The following CADPS2 variants were observed in gnomAD, a reference collection of about 807,000 sequenced individuals.
CADPS2 encodes calcium dependent secretion activator 2, also known as calcium-dependent secretion activator 2.
CADPS2 carries 93 observed loss-of-function variants against 172.5 expected under a neutral mutation model. The ratio of observed to expected loss-of-function variants is 0.54; its 90% confidence interval spans 0.46 to 0.64. The LOEUF is 0.64. CADPS2 is among the 30% of genes least tolerant of loss of function. CADPS2 has a pLI of 0.00. For missense variants in CADPS2, 1,420 were observed against 1,565.9 expected (o/e 0.91, Z 1.57); for synonymous variants, 546 against 555.2 (o/e 0.98, Z 0.23).
chr7:122,628,819 A>G (rs2076311908), intron 4 of CADPS2, among the ~76,000 whole-genome samples: 1 of 149,866 alleles, frequency 6.7e-6, no homozygotes, highest in Non-Finnish European at 1.5e-5. Flanking sequence ...TCATGCATTT[A>G]GTCATTCAAT....
At chr7:122,361,190 T>A (rs798687) in intron 25 of CADPS2, among the ~76,000 whole-genome samples, 177 bp from the exon 26 acceptor site, 5 of 149,308 alleles carry the variant, frequency 3.3e-5, no homozygotes, top group African/African-American at 1.2e-4. Context: ...TGAACTCTAC[T>A]GTCCTTTTCT....
At chr7:122,583,602 T>G (rs532535638) in intron 6 of CADPS2, among the ~76,000 whole-genome samples, 2 of 151,136 alleles carry the variant, frequency 1.3e-5, no homozygotes, top group East Asian at 3.9e-4. Context: ...ATATATGTAA[T>G]ATATGCATAT....
intron 2 of CADPS2, among the ~76,000 whole-genome samples, chr7:122,733,105 T>C (rs566938372): frequency 1.1e-4 from 17 of 151,548 alleles, no homozygotes; most frequent in African/African-American, 3.1e-4. Flanking sequence ...CAAAAGATCA[T>C]AGAATCACAG....
chr7:122,620,497 T>A (rs1202800874), intron 5 of CADPS2, among the ~76,000 whole-genome samples: 1 of 152,154 alleles, frequency 6.6e-6, no homozygotes, highest in Non-Finnish European at 1.5e-5. Context: ...CATACACACA[T>A]CATCAATGAA....
At chr7:122,801,558 G>T (rs868747609) in intron 1 of CADPS2, among the ~76,000 whole-genome samples, 2 of 152,076 alleles carry the variant, frequency 1.3e-5, no homozygotes, top group African/African-American at 2.4e-5. Flanking sequence ...TATTACACAT[G>T]TTCCCATTAG....
chr7:122,357,448 TTA>T (rs1483363426), intron 27 of CADPS2: 1 of 152,192 alleles, frequency 6.6e-6, no homozygotes, highest in Admixed American at 6.5e-5. Flanking sequence ...AATTATTTTA[TTA>T]TAGTTTCCTT....
rs761503610 is a variant in CADPS2, at chr7:122,737,035, G to A, written c.373C>T (p.Arg125Trp). The A allele has an allele frequency of 3.7e-6, 6 of 1,609,046 alleles. No homozygotes were observed. The highest frequency in any genetic ancestry group is 2.2e-5 in the South Asian group (2 of 90,914). The change falls in exon 2 of 30, where the codon CGG (arginine) becomes TGG (tryptophan). Residue 125 changes from arginine to tryptophan, a missense_variant. Coordinates refer to ENST00000449022, the MANE Select transcript of CADPS2 (RefSeq NM_017954.11). ...NKQQLQLLKERFQAFLNGETQ... is the reference protein window; with the variant it reads ...NKQQLQLLKEWFQAFLNGETQ... Reference sequence around the variant, plus strand: ...TCCCCATTGAGGAAGGCCTGGAACCGTTCTTTCAGTAACTGCAACTGTTGT... The same window carrying A: ...TCCCCATTGAGGAAGGCCTGGAACCATTCTTTCAGTAACTGCAACTGTTGT...
chr7:122,355,313 G>A (rs1455183126), intron 27 of CADPS2, among the ~76,000 whole-genome samples: 1 of 152,124 alleles, frequency 6.6e-6, no homozygotes, highest in East Asian at 1.9e-4. Flanking sequence ...AGGCATGGTG[G>A]CATATGCCTG....
intron 3 of CADPS2, among the ~76,000 whole-genome samples, chr7:122,635,822 T>C (rs1328413140): frequency 6.6e-6 from 1 of 152,224 alleles, no homozygotes; most frequent in African/African-American, 2.4e-5. Context: ...AGTTAAGTCT[T>C]CCTGTTGAAT....
At position 122,507,752 on chromosome 7, in the gene CADPS2, C is replaced by T. The variant is rs184651248; in HGVS notation, c.1542+5497G>A. Among the ~76,000 whole-genome samples the T allele has an allele frequency of 1.2e-3, 185 of 152,148 alleles. 1 individual carries two copies. The highest frequency in any genetic ancestry group is 4.3e-3 in the African/African-American group (177 of 41,528). ...GGAAGCAGAGAGAACAGCTAGGATGCTATTGTAGGAATCCATGTGATGATG... is the reference window on the plus strand; with the variant it reads ...GGAAGCAGAGAGAACAGCTAGGATGTTATTGTAGGAATCCATGTGATGATG... On this transcript the variant is annotated intron_variant, in intron 9 of 29. Coordinates refer to ENST00000449022, the MANE Select transcript of CADPS2 (RefSeq NM_017954.11).
At chr7:122,775,351 G>GC (rs1276910574) in intron 1 of CADPS2, among the ~76,000 whole-genome samples, 3 of 152,240 alleles carry the variant, frequency 2.0e-5, no homozygotes, top group Admixed American at 6.5e-5. Flanking sequence ...ACAGAAGGCA[G>GC]CAATAGCTTC....
At chr7:122,765,598 T>C (rs1319687240) in intron 1 of CADPS2, among the ~76,000 whole-genome samples, 2 of 152,132 alleles carry the variant, frequency 1.3e-5, no homozygotes, top group Non-Finnish European at 2.9e-5. Context: ...AATAGTTATC[T>C]AGCTAAAGTA....
intron 7 of CADPS2, among the ~76,000 whole-genome samples, chr7:122,559,289 C>A (rs1370428070): frequency 1.3e-5 from 2 of 152,092 alleles, no homozygotes; most frequent in Admixed American, 6.6e-5. Context: ...ACACATGATT[C>A]CAATGCTGAC....
chr7:122,380,640 T>A (rs572810402), intron 24 of CADPS2, among the ~76,000 whole-genome samples: 2 of 152,132 alleles, frequency 1.3e-5, no homozygotes, highest in African/African-American at 2.4e-5. Flanking sequence ...GAAGGATAAT[T>A]TTGGAGTGTC....
At chr7:122,816,806 C>A (rs1008664273) in intron 1 of CADPS2, among the ~76,000 whole-genome samples, 2 of 152,146 alleles carry the variant, frequency 1.3e-5, no homozygotes, top group African/African-American at 4.8e-5. Flanking sequence ...CCTGAAGTAA[C>A]TGAAGAATCA....
intron 1 of CADPS2, among the ~76,000 whole-genome samples, chr7:122,799,238 GA>G (rs1240829061): frequency 6.6e-6 from 1 of 151,706 alleles, no homozygotes; most frequent in African/African-American, 2.4e-5. Flanking sequence ...AGAAAAAACA[GA>G]ACACAGATAC....
intron 12 of CADPS2, among the ~76,000 whole-genome samples, chr7:122,477,049 GAGA>G (rs1413313838): frequency 0.011 from 295 of 26,592 alleles, 2 homozygotes; most frequent in African/African-American, 0.044. Context: ...AGAGGAGAGA[GAGA>G]AGAGAGAGAG....
chr7:122,409,751 C>T, intron 19 of CADPS2: 1 of 404,758 alleles, frequency 2.5e-6, no homozygotes, highest in Non-Finnish European at 5.3e-6. Context: ...GCCATCCCAC[C>T]CTGGGTTGGT....
At chr7:122,506,618 G>C (rs747076424) in intron 9 of CADPS2, among the ~76,000 whole-genome samples, 1 of 152,038 alleles carries the variant, frequency 6.6e-6, no homozygotes, top group African/African-American at 2.4e-5. Flanking sequence ...GATGTTAACA[G>C]CTGGCAGCTT....
Sources: allele counts gnomAD v4.1 joint callset (sites outside exome capture counted in the v4.1 genomes callset), GRCh38; gene constraint gnomAD v4.1.1; transcripts MANE v1.5; gene names NCBI Gene and HGNC (gene_info 2026-07-23, HGNC 2026-07-21).